Variants in NT5C1B observed in about 807,000 individuals in gnomAD.
NT5C1B encodes the protein 5'-nucleotidase, cytosolic IB, also known as cytosolic 5'-nucleotidase 1B.
A neutral mutation model predicts 57.8 loss-of-function variants in NT5C1B; 44 were observed. The ratio of observed to expected loss-of-function variants is 0.76; its 90% CI spans 0.60 to 0.98. The LOEUF is 0.98. Among genes scored for constraint, NT5C1B ranks in the 50% least tolerant of loss-of-function variants. The pLI is 0.00. For missense variants in NT5C1B, 742 were observed against 719.5 expected, an observed-to-expected ratio of 1.03 and a Z score of -0.36; for synonymous variants, 284 against 282.6, an observed-to-expected ratio of 1.00 and a Z score of -0.05.
At chr2:18,583,414 T>G in intron 5 of NT5C1B, 1 of 185,364 alleles carries the variant, frequency 5.4e-6, no homozygotes, top group Non-Finnish European at 1.1e-5. Context: ...TGCCCAGAGG[T>G]CATGCAAATC....
exon 6 of NT5C1B, chr2:18,582,897 A>G (rs748518623): frequency 1.2e-6 from 2 of 1,613,736 alleles, no homozygotes; most frequent in South Asian, 2.2e-5. Context: ...TATAAGCCGC[A>G]CTCCCACTTG....
chr2:18,566,489 G>A (rs1328568510), intron 8 of NT5C1B, among the ~76,000 whole-genome samples: 1 of 152,128 alleles, frequency 6.6e-6, no homozygotes, highest in African/African-American at 2.4e-5. Flanking sequence ...CTGTTTTTAT[G>A]ACAAAAGCAG....
In NT5C1B at chr2:18,584,404, A is replaced by T; in HGVS notation, c.723+110T>A. ...GACAGCTGAGGCTGGGACTCCCCGA[A>T]GTTTGGGGAGGAGAAGCGGGAGGAC... is the stretch of plus-strand genomic sequence containing the variant. On this transcript the variant is annotated intron_variant, in intron 4 of 8. Transcript: ENST00000304081. This position sits in a 1 kb window ranked among gnomAD's most constrained non-coding sequence, Gnocchi z 5.8. The T allele has an allele frequency of 6.6e-7, 1 of 1,525,182 alleles. No homozygotes were observed. Among genetic ancestry groups the T allele is most frequent in the South Asian group, 1.2e-5 (1 of 80,060 alleles). 94.5% of individuals were successfully genotyped at this position (1,525,182 alleles called of 1,614,324 possible).
At chr2:18,568,549 A>T (rs1449231838) in intron 8 of NT5C1B, among the ~76,000 whole-genome samples, 1 of 152,238 alleles carries the variant, frequency 6.6e-6, no homozygotes, top group East Asian at 1.9e-4. Flanking sequence ...AATATGAAAT[A>T]CATATTTTTG....
At chr2:18,587,508 T>C (rs1666829761) in exon 2 of NT5C1B, 1 of 1,613,712 alleles carries the variant, frequency 6.2e-7, no homozygotes, top group Non-Finnish European at 8.5e-7. Context: ...CTCACCTGAT[T>C]GCTCAGACGA....
intron 8 of NT5C1B, among the ~76,000 whole-genome samples, chr2:18,566,526 A>G (rs1245053712): frequency 6.6e-6 from 1 of 152,096 alleles, no homozygotes; most frequent in African/African-American, 2.4e-5. Context: ...GTTGGCAGGA[A>G]CCACCCTCAT....
intron 8 of NT5C1B, among the ~76,000 whole-genome samples, chr2:18,573,067 T>G (rs1442452109): frequency 6.6e-6 from 1 of 152,008 alleles, no homozygotes; most frequent in Non-Finnish European, 1.5e-5. Flanking sequence ...AACAGGTAAA[T>G]GAATAAAGAA....
At chr2:18,566,074 T>G (rs1326634765) in intron 8 of NT5C1B, among the ~76,000 whole-genome samples, 1 of 152,212 alleles carries the variant, frequency 6.6e-6, no homozygotes, top group Non-Finnish European at 1.5e-5. Flanking sequence ...TCATGGCAAA[T>G]GTTCAGTCAT....
At chr2:18,581,955 T>C (rs891656196) in intron 6 of NT5C1B, among the ~76,000 whole-genome samples, 2 of 152,226 alleles carry the variant, frequency 1.3e-5, no homozygotes, top group East Asian at 3.8e-4. Context: ...TGATTTCTTA[T>C]GCTTCCAGCC....
chr2:18,569,169 T>C (rs1188728520), intron 8 of NT5C1B, among the ~76,000 whole-genome samples: 1 of 152,176 alleles, frequency 6.6e-6, no homozygotes, highest in Non-Finnish European at 1.5e-5. Context: ...GAGTATAACA[T>C]TGACAATAGA....
chr2:18,583,486 A>C (rs1313268278), intron 5 of NT5C1B: 1 of 247,212 alleles, frequency 4.0e-6, no homozygotes, highest in African/African-American at 2.2e-5. Flanking sequence ...ATTAACATGT[A>C]TCCTGCCCAT....
At chr2:18,563,549 G>C (rs542619554) in exon 9 of NT5C1B, 4 of 353,618 alleles carry the variant, frequency 1.1e-5, no homozygotes, top group Non-Finnish European at 2.0e-5. Context: ...ATCCTAAAGA[G>C]TCATCATTAT....
At chr2:18,582,785 T>C in intron 6 of NT5C1B, 83 bp downstream of exon 6, 1 of 1,547,828 alleles carries the variant, frequency 6.5e-7, no homozygotes, top group Non-Finnish European at 8.7e-7. Context: ...CTGCATTTGG[T>C]TAAGCCACAG....
rs1485958070 is a variant in NT5C1B at position 18,584,141 on chromosome 2, G to C, written c.838C>G (p.Leu280Val). The C allele has an allele frequency of 1.2e-6, 2 of 1,614,032 alleles. No homozygotes were observed. The highest frequency in any genetic ancestry group is 1.7e-5 in the Admixed American group (1 of 60,000). ...GTCAGGATGACGTTCTCATTGGTGAGCTGATACTCCATGTACTTTTCCAGA... is the reference window on the plus strand; with the variant it reads ...GTCAGGATGACGTTCTCATTGGTGACCTGATACTCCATGTACTTTTCCAGA... Residue 280 changes from leucine to valine, a missense_variant, in exon 5 of 9, where the codon CTC becomes GTC. Transcript: ENST00000304081. This position sits in a 1 kb window ranked among gnomAD's most constrained non-coding sequence, Gnocchi z 5.8.
At chr2:18,576,573 T>C (rs1558377423) in intron 7 of NT5C1B, among the ~76,000 whole-genome samples, 200 bp downstream of exon 7, 3 of 152,148 alleles carry the variant, frequency 2.0e-5, no homozygotes. Flanking sequence ...GTGAAATGGA[T>C]TGTAGGACAA....
chr2:18,586,748 C>A (rs1572387001), intron 2 of NT5C1B: 2 of 656,224 alleles, frequency 3.0e-6, no homozygotes, highest in Non-Finnish European at 5.0e-6. Flanking sequence ...GATGCTGAAA[C>A]AATATATCCA....
At chr2:18,574,547 A>G (rs552229238) in intron 8 of NT5C1B, among the ~76,000 whole-genome samples, 1 of 152,148 alleles carries the variant, frequency 6.6e-6, no homozygotes. Context: ...TTACTACAGC[A>G]TTATTCACAA....
chr2:18,582,179 C>T (rs1440937355), intron 6 of NT5C1B, among the ~76,000 whole-genome samples: 1 of 152,158 alleles, frequency 6.6e-6, no homozygotes, highest in East Asian at 1.9e-4. Flanking sequence ...TTCAATGATT[C>T]CAGCCTTATA....
chr2:18,570,422 C>T (rs1185747448), intron 8 of NT5C1B, among the ~76,000 whole-genome samples: 3 of 151,880 alleles, frequency 2.0e-5, no homozygotes, highest in Non-Finnish European at 4.4e-5. Flanking sequence ...ACTAAGGATC[C>T]TACAAATGTT....
Sources: allele counts gnomAD v4.1 joint callset (sites outside exome capture counted in the v4.1 genomes callset), GRCh38; gene constraint gnomAD v4.1.1; non-coding constraint Gnocchi (gnomAD v3.1); transcripts MANE v1.5; gene names NCBI Gene and HGNC (gene_info 2026-07-23, HGNC 2026-07-21).